Variants in PKD1L1 observed in about 807,000 individuals in gnomAD.
The protein encoded by PKD1L1 is polycystin 1 like 1, transient receptor potential channel interacting.
A neutral mutation model predicts 323.4 loss-of-function variants in PKD1L1; 236 were observed. The observed-to-expected ratio is 0.73, with a 90% CI of 0.66 to 0.81. The LOEUF (loss-of-function observed/expected upper bound fraction) is 0.81, where lower values mean the gene tolerates loss of function less well. Among genes scored for constraint, PKD1L1 ranks in the 40% least tolerant of loss-of-function variants. PKD1L1 has a pLI of 0.00. For synonymous variants in PKD1L1, 1,344 were observed against 1,335.0 expected, an observed-to-expected ratio of 1.01 and a Z score of -0.15; for missense variants, 3,320 against 3,508.0, an observed-to-expected ratio of 0.95 and a Z score of 1.35.
Position 47,880,813 on chromosome 7 carries a change from A to C in PKD1L1, c.3443-8T>G. 2 of 1,596,170 alleles carry C rather than the reference A, an allele frequency of 1.3e-6. No homozygotes were observed. The highest frequency in any genetic ancestry group is 1.7e-6 in the Non-Finnish European group (2 of 1,168,846). On this transcript the variant is annotated splice_polypyrimidine_tract_variant and splice_region_variant and intron_variant, in intron 20 of 56. Coordinates refer to ENST00000289672, the MANE Select transcript of PKD1L1 (RefSeq NM_138295.5). ...CTGTCTGTTCTGTAATACCTGCAGAAAAGACATGGCTGCATGGAAATGACA... is the reference window on the plus strand; with the variant it reads ...CTGTCTGTTCTGTAATACCTGCAGACAAGACATGGCTGCATGGAAATGACA...
chr7:47,786,571 A>T (rs1786812091), intron 56 of PKD1L1, among the ~76,000 whole-genome samples: 1 of 152,274 alleles, frequency 6.6e-6, no homozygotes, highest in Non-Finnish European at 1.5e-5. Flanking sequence ...AAAATCCTCT[A>T]GGAGAGACTC....
In PKD1L1 at chr7:47,893,966, G is replaced by A. The variant is rs764057809; in HGVS notation, c.2365C>T (p.His789Tyr). Reference sequence around the variant, plus strand: ...GAGGTGGTCCTGGAGAAGAATAGGTGTGTGCCCTCGGAGATCACACTGACA... The same window carrying A: ...GAGGTGGTCCTGGAGAAGAATAGGTATGTGCCCTCGGAGATCACACTGACA... ...APVSVISEGTHLFFSRTTSSP... is the reference protein window; with the variant it reads ...APVSVISEGTYLFFSRTTSSP... The change falls in exon 15 of 57, where the codon CAC (histidine) becomes TAC (tyrosine). Residue 789 changes from histidine to tyrosine, a missense_variant. Physicochemically the swap from His to Tyr is moderately conservative, Grantham distance 83. Transcript: ENST00000289672. 1.2e-6 allele frequency: 2 copies of A among 1,614,002 alleles called. No individual in the cohort carries two copies. Among genetic ancestry groups the A allele is most frequent in the Non-Finnish European group, 1.7e-6 (2 of 1,179,974 alleles).
chr7:47,868,637 A>G (rs1008240057), intron 24 of PKD1L1, among the ~76,000 whole-genome samples: 1 of 152,246 alleles, frequency 6.6e-6, no homozygotes, highest in African/African-American at 2.4e-5. Context: ...GCACTTTGGG[A>G]GGCCGAGGCA....
chr7:47,905,178 T>C lies in PKD1L1; in HGVS notation c.1670A>G (p.Lys557Arg), dbSNP rs1787176673. The part of the protein sequence containing the change: ...PVRTTSRSIK[K>R]RLSIPQWYRV... ...TGACCATTGGGGGATGCTGAGTCTT[T>C]TTTTAATGCTTCTTGAAGTTGTCCT... The change falls in exon 11 of 57, where the codon AAA (lysine) becomes AGA (arginine). Residue 557 changes from lysine to arginine, a missense_variant. Lys to Arg is a conservative substitution (Grantham distance 26). Transcript: ENST00000289672. 6.2e-7 allele frequency: 1 copy of C among 1,614,100 alleles called. No individual in the cohort carries two copies. Among genetic ancestry groups the C allele is most frequent in the East Asian group, 2.2e-5 (1 of 44,874 alleles).
chr7:47,954,513 T>C, the PKD1L1 span, among the ~76,000 whole-genome samples: 6 of 152,188 alleles, frequency 3.9e-5, no homozygotes, highest in African/African-American at 1.2e-4. Flanking sequence ...TTCTGCCTTG[T>C]GCCCTTCTGC....
At chr7:47,803,401 C>G in intron 52 of PKD1L1, 57 bp from the exon 53 acceptor site, 1 of 1,591,658 alleles carries the variant, frequency 6.3e-7, no homozygotes, top group Non-Finnish European at 8.6e-7. Context: ...AAGGTGCAGA[C>G]ATATTCACAG....
At chr7:47,864,335 G>T (rs889408605) in intron 26 of PKD1L1, among the ~76,000 whole-genome samples, 1 of 152,074 alleles carries the variant, frequency 6.6e-6, no homozygotes, top group Non-Finnish European at 1.5e-5. Flanking sequence ...AGAATGATGC[G>T]TGCTCTTCTC....
chr7:47,860,575 A>G (rs949983341), intron 26 of PKD1L1, among the ~76,000 whole-genome samples: 2 of 152,194 alleles, frequency 1.3e-5, no homozygotes, highest in African/African-American at 4.8e-5. Flanking sequence ...ATGCGTTTAA[A>G]CTACTATTGA....
Position 47,839,391 on chromosome 7 carries a change from C to A in PKD1L1, c.5769+55G>T. ...TGGCAAGCGAAGCAGAGACAGGTGC[C>A]ATGCTCTGCCGGTCAGCCAGGTGCG... is the stretch of plus-strand genomic sequence containing the variant. On this transcript the variant is annotated intron_variant, in intron 36 of 56. Coordinates refer to ENST00000289672, the MANE Select transcript of PKD1L1 (RefSeq NM_138295.5). This position sits in a 1 kb window ranked among gnomAD's most constrained non-coding sequence, Gnocchi z 4.3. 1 of 1,445,754 alleles carries A rather than the reference C, an allele frequency of 6.9e-7. No homozygotes were observed. The highest frequency in any genetic ancestry group is 9.5e-7 in the Non-Finnish European group (1 of 1,052,744). 89.6% of individuals were successfully genotyped at this position (1,445,754 alleles called of 1,614,324 possible).
chr7:47,880,627 G>T, intron 21 of PKD1L1, 101 bp downstream of exon 21: 1 of 816,860 alleles, frequency 1.2e-6, no homozygotes, highest in South Asian at 2.0e-5. Flanking sequence ...TAGCCTTTAC[G>T]CTGATGTAGA....
chr7:47,949,211 A>G (rs1364768702), upstream of PKD1L1, among the ~76,000 whole-genome samples: 2 of 151,954 alleles, frequency 1.3e-5, no homozygotes, highest in Non-Finnish European at 2.9e-5. Flanking sequence ...TCTACTAAAA[A>G]TACAAAAATT....
At chr7:47,792,444 T>C (rs973544482) in intron 56 of PKD1L1, among the ~76,000 whole-genome samples, 183 bp downstream of exon 56, 1 of 152,224 alleles carries the variant, frequency 6.6e-6, no homozygotes, top group Non-Finnish European at 1.5e-5. Context: ...AGTCACATCA[T>C]GGACTTTAAA....
At chr7:47,879,655 C>T (rs1170717281) in intron 21 of PKD1L1, among the ~76,000 whole-genome samples, 1 of 132,230 alleles carries the variant, frequency 7.6e-6, no homozygotes, top group Non-Finnish European at 1.6e-5. Context: ...AAAAAAAGGC[C>T]AGGCACGGTG....
intron 34 of PKD1L1, 85 bp downstream of exon 34, chr7:47,842,877 G>C: frequency 1.6e-6 from 2 of 1,288,470 alleles, no homozygotes; most frequent in Non-Finnish European, 2.1e-6. Flanking sequence ...GGTGACAGAC[G>C]GGGCAGCCAA....
At chr7:47,960,045 T>G in the PKD1L1 span, among the ~76,000 whole-genome samples, 1 of 152,164 alleles carries the variant, frequency 6.6e-6, no homozygotes, top group East Asian at 1.9e-4. Flanking sequence ...TTCTGCCTTG[T>G]GATCCTGTTG....
rs1180891307 is a variant in PKD1L1 at position 47,886,059 on chromosome 7, A to C, written c.2837-5T>G. ...CCACTACTCTGCAGAAGGGAACTTA[A>C]GCAAACGTTTGGCAGTGTTAGAATT... On this transcript the variant is annotated splice_polypyrimidine_tract_variant and splice_region_variant and intron_variant, in intron 17 of 56. Coordinates refer to ENST00000289672, the MANE Select transcript of PKD1L1 (RefSeq NM_138295.5). The C allele has an allele frequency of 6.3e-7, 1 of 1,598,492 alleles. No homozygotes were observed. Among genetic ancestry groups the C allele is most frequent in the Non-Finnish European group, 8.5e-7 (1 of 1,172,096 alleles).
intron 17 of PKD1L1, 123 bp from the exon 18 acceptor site, chr7:47,886,177 T>C (rs1786680468): frequency 2.3e-6 from 3 of 1,299,398 alleles, no homozygotes; most frequent in Admixed American, 5.5e-5. Flanking sequence ...TTTGAAAACC[T>C]ACACTTAAGA....
intron 28 of PKD1L1, among the ~76,000 whole-genome samples, chr7:47,855,864 A>G (rs1785890255): frequency 1.7e-5 from 1 of 60,482 alleles, no homozygotes; most frequent in South Asian, 5.5e-4. Context: ...CGACAGAGCG[A>G]GACTCCGTCT....
In PKD1L1 at chr7:47,840,568, C is replaced by A; in HGVS notation, c.5446-1G>T. On this transcript the variant is annotated splice_acceptor_variant, in intron 34 of 56. Coordinates refer to ENST00000289672, the MANE Select transcript of PKD1L1 (RefSeq NM_138295.5). LOFTEE classifies it high-confidence loss of function. The surrounding 1 kb of genome is among the most constrained non-coding windows in gnomAD (Gnocchi z 4.1). Reference sequence around the variant, plus strand: ...TGTCGCCACATAAAACAATGTACACCTCAAAACAAAGAACAGGGGTGGGAA... The same window carrying A: ...TGTCGCCACATAAAACAATGTACACATCAAAACAAAGAACAGGGGTGGGAA... The A allele has an allele frequency of 6.2e-7, 1 of 1,610,860 alleles. No individual in the cohort carries two copies.
Sources: allele counts gnomAD v4.1 joint callset (sites outside exome capture counted in the v4.1 genomes callset), GRCh38; gene constraint gnomAD v4.1.1; non-coding constraint Gnocchi (gnomAD v3.1); transcripts MANE v1.5; gene names NCBI Gene and HGNC (gene_info 2026-07-23, HGNC 2026-07-21).